Variants in TMEFF2 observed in about 807,000 individuals in gnomAD.
The protein encoded by TMEFF2 is transmembrane protein with EGF like and two follistatin like domains 2, also known as tomoregulin-2.
In TMEFF2, 28 loss-of-function variants were observed where a neutral mutation model predicts 53.8. The observed-to-expected ratio is 0.52, with a 90% confidence interval of 0.39 to 0.71. The LOEUF is 0.71. Ranked by LOEUF, TMEFF2 falls within the 30% of genes least tolerant of loss-of-function variation. The pLI, the probability that TMEFF2 is intolerant of heterozygous loss-of-function variation, is 0.00. For missense variants in TMEFF2, 353 were observed against 455.2 expected (o/e 0.78, Z 2.04); for synonymous variants, 162 against 166.3 (o/e 0.97, Z 0.20).
intron 4 of TMEFF2, among the ~76,000 whole-genome samples, chr2:192,134,590 C>A (rs1330827369): frequency 2.6e-5 from 4 of 152,108 alleles, no homozygotes; most frequent in Admixed American, 6.5e-5. Flanking sequence ...ATTATTCAGG[C>A]CCCCTCCCTT....
intron 7 of TMEFF2, among the ~76,000 whole-genome samples, chr2:191,986,837 G>A (rs1045421209): frequency 6.4e-5 from 9 of 140,580 alleles, no homozygotes; most frequent in Non-Finnish European, 1.2e-4. Context: ...CAGGCTGGGC[G>A]ACAGAGTGAG....
intron 4 of TMEFF2, among the ~76,000 whole-genome samples, chr2:192,085,184 G>A (rs1023593239): frequency 1.3e-5 from 2 of 152,052 alleles, no homozygotes; most frequent in Admixed American, 6.6e-5. Context: ...TTAATACTGA[G>A]ACCTGGAGAT....
chr2:191,983,755 C>G (rs1193625355), intron 7 of TMEFF2, among the ~76,000 whole-genome samples: 1 of 152,062 alleles, frequency 6.6e-6, no homozygotes, highest in Non-Finnish European at 1.5e-5. Context: ...AAGAACCACT[C>G]AAAGGAAACA....
At chr2:192,127,307 A>G (rs1435483550) in intron 4 of TMEFF2, among the ~76,000 whole-genome samples, 1 of 152,232 alleles carries the variant, frequency 6.6e-6, no homozygotes, top group Non-Finnish European at 1.5e-5. Context: ...CTAATAATAG[A>G]GCAAATTATA....
In TMEFF2 at chr2:192,194,493, C is replaced by G; in HGVS notation, c.32G>C (p.Ser11Thr). 6.2e-7 allele frequency: 1 copy of G among 1,613,916 alleles called. No homozygotes were observed. Among genetic ancestry groups the G allele is most frequent in the East Asian group, 2.2e-5 (1 of 44,874 alleles). The change falls in exon 1 of 10, where the codon AGC (serine) becomes ACC (threonine). Residue 11 changes from serine (S) to threonine (T), a missense_variant. By Grantham distance (58) the Ser-to-Thr change is moderately conservative. Transcript: ENST00000272771. The surrounding 1 kb of genome is among the most constrained non-coding windows in gnomAD (Gnocchi z 4.2). The part of the protein sequence containing the change: MVLWESPRQC[S>T]SWTLCEGFCW... ...AAAGCCCTCGCAAAGTGTCCAGCTG[C>G]TGCACTGCCGCGGGGACTCCCACAG...
chr2:192,032,578 C>T (rs750120110), intron 5 of TMEFF2: 3 of 152,078 alleles, frequency 2.0e-5, no homozygotes, highest in East Asian at 1.9e-4. Flanking sequence ...CAGTTACAAG[C>T]GGTAATACAA....
At chr2:192,015,074 A>G (rs1420487089) in intron 5 of TMEFF2, among the ~76,000 whole-genome samples, 2 of 152,168 alleles carry the variant, frequency 1.3e-5, no homozygotes, top group Non-Finnish European at 2.9e-5. Context: ...TTAGGCAGCA[A>G]TGTTCTTCTG....
chr2:191,970,962 G>A (rs917528828), intron 7 of TMEFF2, among the ~76,000 whole-genome samples: 2 of 152,300 alleles, frequency 1.3e-5, no homozygotes, highest in African/African-American at 2.4e-5. Context: ...TGAAGTACCC[G>A]TGATTCATTG....
intron 8 of TMEFF2, among the ~76,000 whole-genome samples, chr2:191,955,548 T>TTTTTTTTTTTTTTTTG (rs1559059111): frequency 2.8e-5 from 4 of 145,272 alleles, no homozygotes; most frequent in African/African-American, 5.1e-5. Context: ...TTTTTTTTTT[T>TTTTTTTTTTTTTTTTG]AGAGATAGGA....
intron 7 of TMEFF2, among the ~76,000 whole-genome samples, chr2:191,975,935 G>A (rs550586866): frequency 1.3e-5 from 2 of 152,242 alleles, no homozygotes; most frequent in East Asian, 3.9e-4. Flanking sequence ...AGCAAAATAT[G>A]AGCATGGAGA....
At chr2:192,009,054 T>C (rs1049264772) in intron 5 of TMEFF2, among the ~76,000 whole-genome samples, 3 of 152,232 alleles carry the variant, frequency 2.0e-5, no homozygotes, top group Non-Finnish European at 2.9e-5. Context: ...GTGGCTTTTA[T>C]TTGTTTGGCT....
chr2:192,181,352 T>C (rs1691179867), intron 3 of TMEFF2, among the ~76,000 whole-genome samples: 1 of 151,854 alleles, frequency 6.6e-6, no homozygotes, highest in Admixed American at 6.6e-5. Context: ...AAATATATTT[T>C]AGTTAAATGT....
At chr2:192,049,606 G>A (rs2105894857) in intron 5 of TMEFF2, among the ~76,000 whole-genome samples, 1 of 152,238 alleles carries the variant, frequency 6.6e-6, no homozygotes, top group East Asian at 1.9e-4. Flanking sequence ...AACTCAAGAA[G>A]AAATAGAGAG....
intron 7 of TMEFF2, among the ~76,000 whole-genome samples, chr2:191,997,275 G>T (rs557060409): frequency 6.6e-6 from 1 of 151,786 alleles, no homozygotes; most frequent in South Asian, 2.1e-4. Flanking sequence ...TGTGGAAAAT[G>T]TTTAAAATAT....
At chr2:192,004,736 G>A (rs144186680) in intron 5 of TMEFF2, among the ~76,000 whole-genome samples, 33 of 152,258 alleles carry the variant, frequency 2.2e-4, no homozygotes, top group Non-Finnish European at 4.6e-4. Flanking sequence ...AATTAATCAA[G>A]GGTTTTTCTT....
chr2:192,017,157 G>A (rs1686761946), intron 5 of TMEFF2, among the ~76,000 whole-genome samples: 1 of 152,176 alleles, frequency 6.6e-6, no homozygotes, highest in Non-Finnish European at 1.5e-5. Context: ...AGCTACAGGT[G>A]GCTTGGTAGA....
At chr2:192,115,249 TAGAAC>T (rs1452452273) in intron 4 of TMEFF2, among the ~76,000 whole-genome samples, 1 of 151,902 alleles carries the variant, frequency 6.6e-6, no homozygotes, top group Non-Finnish European at 1.5e-5. Flanking sequence ...TATAGATCAA[TAGAAC>T]AGAATAGAAA....
intron 7 of TMEFF2, among the ~76,000 whole-genome samples, chr2:191,971,799 T>TAGGCA (rs1173943428): frequency 6.6e-6 from 1 of 152,046 alleles, no homozygotes; most frequent in Non-Finnish European, 1.5e-5. Context: ...GAGAGTGAGA[T>TAGGCA]AGGCAATAGA....
chr2:192,090,344 G>T (rs1688763236), intron 4 of TMEFF2, among the ~76,000 whole-genome samples: 1 of 151,906 alleles, frequency 6.6e-6, no homozygotes, highest in African/African-American at 2.4e-5. Context: ...TTTTATGATT[G>T]TCTGTTTTAT....
Sources: allele counts gnomAD v4.1 joint callset (sites outside exome capture counted in the v4.1 genomes callset), GRCh38; gene constraint gnomAD v4.1.1; non-coding constraint Gnocchi (gnomAD v3.1); transcripts MANE v1.5; gene names NCBI Gene and HGNC (gene_info 2026-07-23, HGNC 2026-07-21).